The following TET1 variants were observed in gnomAD, a reference collection of about 807,000 sequenced individuals.
The protein encoded by TET1 is tet methylcytosine dioxygenase 1.
Under a neutral mutation model 148.7 loss-of-function variants are expected in TET1, and 13 were observed. The observed-to-expected ratio is 0.09, with a 90% CI of 0.06 to 0.14. The LOEUF is 0.14. Ranked by LOEUF, TET1 falls within the 10% of genes least tolerant of loss-of-function variation. TET1 has a pLI of 1.00. For missense variants in TET1, 2,182 were observed against 2,553.8 expected (o/e 0.85, Z 3.14); for synonymous variants, 907 against 937.2 (o/e 0.97, Z 0.59).
At chr10:68,655,240 C>G (rs2055004759) in intron 6 of TET1, among the ~76,000 whole-genome samples, 1 of 152,202 alleles carries the variant, frequency 6.6e-6, no homozygotes, top group Admixed American at 6.5e-5. Context: ...ATCTCCCAAC[C>G]TGGCTTTGTG....
chr10:68,591,590 G>T (rs1286207363), intron 2 of TET1, among the ~76,000 whole-genome samples: 1 of 152,056 alleles, frequency 6.6e-6, no homozygotes, highest in African/African-American at 2.4e-5. Context: ...TGAATAACTG[G>T]TCTCATCTCA....
At chr10:68,569,483 C>G (rs1383113963) in intron 1 of TET1, among the ~76,000 whole-genome samples, 1 of 152,068 alleles carries the variant, frequency 6.6e-6, no homozygotes, top group Non-Finnish European at 1.5e-5. Context: ...CAGTTTCTTA[C>G]CTTATATGAG....
intron 2 of TET1, among the ~76,000 whole-genome samples, chr10:68,595,991 C>A (rs1367286442): frequency 1.7e-5 from 1 of 60,048 alleles, no homozygotes; most frequent in African/African-American, 6.1e-5. Context: ...TATACACACA[C>A]ACACACACAC....
At chr10:68,683,566 C>T (rs1008991916) in intron 10 of TET1, among the ~76,000 whole-genome samples, 1 of 151,184 alleles carries the variant, frequency 6.6e-6, no homozygotes, top group Admixed American at 6.6e-5. Flanking sequence ...GTGTGAGTCA[C>T]CACGCCCAGC....
At chr10:68,563,280 TC>T (rs2053574046) in intron 1 of TET1, among the ~76,000 whole-genome samples, 1 of 152,236 alleles carries the variant, frequency 6.6e-6, no homozygotes, top group African/African-American at 2.4e-5. Flanking sequence ...CTCTCACACT[TC>T]CTGTGGTAGA....
At chr10:68,626,672 T>A (rs1044786065) in intron 3 of TET1, among the ~76,000 whole-genome samples, 9 of 151,948 alleles carry the variant, frequency 5.9e-5, no homozygotes, top group African/African-American at 1.9e-4. Context: ...TGCCTCAGCC[T>A]CTCGAGTAGC....
Position 68,692,076 on chromosome 10 carries a change from C to A in TET1, c.*262C>A. 4.7e-6 allele frequency: 2 copies of A among 426,838 alleles called. No homozygotes were observed. Among genetic ancestry groups the A allele is most frequent in the Non-Finnish European group, 8.3e-6 (2 of 242,346 alleles). 26.4% of individuals were successfully genotyped at this position (426,838 alleles called of 1,614,324 possible). A position where few individuals can be genotyped will look rare whatever the true frequency, so the allele number is the denominator to read the frequency against. ...AAGAAATGTTTCAGTTAGGCATTAA[C>A]CTTGATAGAATCACTCAGTTTGGTG... On this transcript the variant is annotated 3_prime_UTR_variant, in exon 12 of 12. Transcript: ENST00000373644.
intron 2 of TET1, among the ~76,000 whole-genome samples, chr10:68,579,498 CTATGCACTGGAA>C (rs1337707108): frequency 4.6e-5 from 7 of 152,224 alleles, no homozygotes; most frequent in African/African-American, 1.7e-4. Flanking sequence ...TTCTCCTAGG[CTATGCACTGGAA>C]ATCCAATCAT....
chr10:68,637,880 A>G (rs1285729968), intron 3 of TET1, among the ~76,000 whole-genome samples: 1 of 152,004 alleles, frequency 6.6e-6, no homozygotes, highest in African/African-American at 2.4e-5. Context: ...AAAAAAAAAA[A>G]AAGATTCTAG....
Position 68,644,911 on chromosome 10 carries a change from G to A in TET1, c.2182G>A (p.Ala728Thr). The A allele has an allele frequency of 6.2e-7, 1 of 1,611,746 alleles. No individual in the cohort carries two copies. Among genetic ancestry groups the A allele is most frequent in the Non-Finnish European group, 8.5e-7 (1 of 1,179,270 alleles). Residue 728 changes from alanine (A) to threonine (T), a missense_variant, in exon 4 of 12, where the codon GCT becomes ACT. Transcript: ENST00000373644. Reference protein sequence around the residue: ...LTDHVKGDFSANVPEAEKSKN... With the variant: ...LTDHVKGDFSTNVPEAEKSKN... ...TGATCACGTGAAAGGAGATTTTAGT[G>A]CTAATGTCCCAGAAGCTGAAAAATC... is the stretch of plus-strand genomic sequence containing the variant.
At chr10:68,628,828 C>T (rs929362431) in intron 3 of TET1, among the ~76,000 whole-genome samples, 1 of 152,026 alleles carries the variant, frequency 6.6e-6, no homozygotes, top group African/African-American at 2.4e-5. Context: ...AAAACCCCTC[C>T]TAGGTGATGT....
intron 6 of TET1, among the ~76,000 whole-genome samples, chr10:68,653,527 G>A (rs1413265225): frequency 6.6e-6 from 1 of 152,142 alleles, no homozygotes; most frequent in Non-Finnish European, 1.5e-5. Flanking sequence ...TTGGAATCAT[G>A]TTAACAGAAT....
chr10:68,677,005 T>C (rs1440716352), intron 8 of TET1, among the ~76,000 whole-genome samples: 2 of 152,206 alleles, frequency 1.3e-5, no homozygotes, highest in East Asian at 3.8e-4. Context: ...GCAAGAGGTA[T>C]AGGAAGTCCA....
chr10:68,597,030 A>ATTTTTTTTTTTTTTTTTTTTT lies in TET1; in HGVS notation c.1915-3950_1915-3930dup, dbSNP rs553591899. On this transcript the variant is annotated intron_variant, in intron 2 of 11. Transcript: ENST00000373644. ...ATTTTCATGATCACACAGCTAATGGATTTTTTTTTTTTTTTTTTTTTGAGA... is the reference window on the plus strand; with the variant it reads ...ATTTTCATGATCACACAGCTAATGGATTTTTTTTTTTTTTTTTTTTTTTTTTTTTTTTTTTTTTTTTTGAGA... Among the ~76,000 whole-genome samples the ATTTTTTTTTTTTTTTTTTTTT allele has an allele frequency of 1.1e-3, 111 of 98,844 alleles. 6 individuals carry two copies. Among genetic ancestry groups the ATTTTTTTTTTTTTTTTTTTTT allele is most frequent in the South Asian group, 1.9e-3 (5 of 2,690 alleles). 64.8% of individuals were successfully genotyped at this position (98,844 alleles called of 152,430 possible). A position where few individuals can be genotyped will look rare whatever the true frequency, so the allele number is the denominator to read the frequency against.
chr10:68,632,559 AGG>A, intron 3 of TET1: 1 of 1,608,354 alleles, frequency 6.2e-7, no homozygotes. Flanking sequence ...ATGTTGGAGT[AGG>A]GGGGTTTATC....
chr10:68,589,116 CAAAAAAAAG>C (rs144875155), intron 2 of TET1, among the ~76,000 whole-genome samples: 2,235 of 150,812 alleles, frequency 0.015, 51 homozygotes, highest in African/African-American at 0.051. Context: ...GACCCTTTCT[CAAAAAAAAG>C]AAAAAAAAGA....
chr10:68,688,644 T>C (rs1297617980), intron 11 of TET1, among the ~76,000 whole-genome samples: 1 of 152,040 alleles, frequency 6.6e-6, no homozygotes, highest in Non-Finnish European at 1.5e-5. Flanking sequence ...TTCACCGTGT[T>C]AGCCAGGATG....
rs2054830953 is a variant in TET1 at position 68,645,599 on chromosome 10, C to T, written c.2870C>T (p.Pro957Leu). The change falls in exon 4 of 12, where the codon CCA (proline) becomes CTA (leucine). Residue 957 changes from proline to leucine, a missense_variant. Physicochemically the swap from Pro to Leu is moderately conservative, Grantham distance 98. Transcript: ENST00000373644. ...GAGCCACCAAAACTTAATCACTGTC[C>T]ATCTTTGGAAAAACAAAGTTCATGC... Reference protein sequence around the residue: ...QGEPPKLNHCPSLEKQSSCNT... With the variant: ...QGEPPKLNHCLSLEKQSSCNT... 1 of 1,614,152 alleles carries T rather than the reference C, an allele frequency of 6.2e-7. No homozygotes were observed. Among genetic ancestry groups the T allele is most frequent in the Non-Finnish European group, 8.5e-7 (1 of 1,180,030 alleles).
At chr10:68,581,815 C>T (rs1266247362) in intron 2 of TET1, among the ~76,000 whole-genome samples, 3 of 148,482 alleles carry the variant, frequency 2.0e-5, no homozygotes, top group South Asian at 2.2e-4. Context: ...ACAGCCTGGG[C>T]GACAGAGTGA....
Sources: gnomAD v4.1 joint callset for allele counts (sites outside exome capture counted in the v4.1 genomes callset) on GRCh38, gnomAD v4.1.1 for gene constraint, MANE v1.5 for transcripts, NCBI Gene and HGNC (gene_info 2026-07-23, HGNC 2026-07-21) for gene names.